Variants in ASXL1 observed in about 807,000 individuals in gnomAD.
The protein encoded by ASXL1 is polycomb group protein ASXL1.
In ASXL1, 65 loss-of-function variants were observed where a neutral mutation model predicts 89.1. That is an observed-to-expected ratio of 0.73 (90% confidence interval 0.60 to 0.90). ASXL1 has a LOEUF of 0.90. Ranked by LOEUF, ASXL1 falls within the 40% of genes least tolerant of loss-of-function variation. The probability of loss-of-function intolerance (pLI) is 0.00; values close to 1 mark genes in which losing one functional copy is unlikely to be tolerated. For synonymous variants in ASXL1, 739 were observed against 746.9 expected (o/e 0.99, Z 0.17); for missense variants, 1,786 against 1,942.9 (o/e 0.92, Z 1.52).
At position 32,371,524 on chromosome 20, in the gene ASXL1, C is replaced by T. The variant is rs138545183; in HGVS notation, c.252+2401C>T. The stretch of plus-strand genomic sequence containing the variant: ...CTGGTCTCGAGCTCCTGGGGTCAAG[C>T]GATCCACTGGCTTTGGCCTCCCAAA... On this transcript the variant is annotated intron_variant, in intron 4 of 12. Coordinates refer to ENST00000375687, the MANE Select transcript of ASXL1 (RefSeq NM_015338.6). 1.9e-4 allele frequency among the ~76,000 whole-genome samples: 29 copies of T among 152,142 alleles called. No homozygotes were observed. The East Asian group carries it at 4.8e-3, about 25-fold the overall frequency.
At chr20:32,365,933 A>G (rs2048196657) in intron 1 of ASXL1, among the ~76,000 whole-genome samples, 2 of 152,288 alleles carry the variant, frequency 1.3e-5, no homozygotes, top group South Asian at 4.1e-4. Context: ...ACCTGAGGTC[A>G]GGAGTTCGAG....
At chr20:32,374,465 T>A (rs902785593) in intron 4 of ASXL1, among the ~76,000 whole-genome samples, 35 of 151,436 alleles carry the variant, frequency 2.3e-4, no homozygotes, top group Non-Finnish European at 3.4e-4. Context: ...TTAAAAAAAA[T>A]TTTTTTTATA....
At position 32,428,187 on chromosome 20, in the gene ASXL1, C is replaced by T; in HGVS notation, c.312C>T (p.Asp104=). 6.2e-7 allele frequency: 1 copy of T among 1,614,082 alleles called. No homozygotes were observed. Among genetic ancestry groups the T allele is most frequent in the Non-Finnish European group, 8.5e-7 (1 of 1,180,012 alleles). Residue 104 remains aspartate (D), a synonymous_variant, in exon 5 of 13, where the codon GAC becomes GAT. Transcript: ENST00000375687. ...PATVEGEEPE[D]TADVESCGSN... is the part of the protein sequence containing the mutation. ...CAGTGGAGGGAGAGGAGCCAGAGGA[C>T]ACGGCTGATGTGGAGAGCTGTGGGT...
At chr20:32,365,368 G>C (rs2048187716) in intron 1 of ASXL1, among the ~76,000 whole-genome samples, 1 of 152,180 alleles carries the variant, frequency 6.6e-6, no homozygotes, top group African/African-American at 2.4e-5. Context: ...CTTTGGTGCT[G>C]AGGTCTTATG....
At chr20:32,419,596 C>A (rs576231648) in intron 4 of ASXL1, among the ~76,000 whole-genome samples, 1 of 151,584 alleles carries the variant, frequency 6.6e-6, no homozygotes, top group Non-Finnish European at 1.5e-5. Context: ...GGGTAACTTA[C>A]GTTCGTTTTT....
intron 1 of ASXL1, among the ~76,000 whole-genome samples, chr20:32,363,170 CT>C (rs2048149830): frequency 6.6e-6 from 1 of 152,030 alleles, no homozygotes; most frequent in African/African-American, 2.4e-5. Flanking sequence ...TGTAACTTCC[CT>C]TTAGAGATTC....
chr20:32,406,319 G>A (rs892062843), intron 4 of ASXL1, among the ~76,000 whole-genome samples: 1 of 151,772 alleles, frequency 6.6e-6, no homozygotes, highest in Non-Finnish European at 1.5e-5. Context: ...AGGCTGAGGC[G>A]GGTGGATTGC....
At chr20:32,361,527 A>G (rs1368080654) in intron 1 of ASXL1, among the ~76,000 whole-genome samples, 2 of 148,302 alleles carry the variant, frequency 1.3e-5, no homozygotes, top group Non-Finnish European at 3.0e-5. Flanking sequence ...AATCCCAGCT[A>G]CTGAGGGGGC....
At chr20:32,423,960 T>G (rs1432958048) in intron 4 of ASXL1, among the ~76,000 whole-genome samples, 1 of 152,190 alleles carries the variant, frequency 6.6e-6, no homozygotes, top group Non-Finnish European at 1.5e-5. Context: ...TTGTTTTCCT[T>G]GTCTTTTTAC....
intron 4 of ASXL1, among the ~76,000 whole-genome samples, chr20:32,370,713 A>T (rs1046855392): frequency 1.3e-5 from 2 of 152,168 alleles, no homozygotes; most frequent in African/African-American, 2.4e-5. Flanking sequence ...TGGTCTTTAT[A>T]TATAAATAAA....
intron 2 of ASXL1, 124 bp downstream of exon 2, chr20:32,366,590 G>A: frequency 6.4e-7 from 1 of 1,559,444 alleles, no homozygotes; most frequent in African/African-American, 1.4e-5. Flanking sequence ...TAGTGAGATG[G>A]AACTATCCAT....
At chr20:32,411,990 A>G (rs2049056540) in intron 4 of ASXL1, among the ~76,000 whole-genome samples, 1 of 151,948 alleles carries the variant, frequency 6.6e-6, no homozygotes, top group Non-Finnish European at 1.5e-5. Context: ...TTCTTTACTT[A>G]CCTGCTTTCT....
intron 4 of ASXL1, among the ~76,000 whole-genome samples, chr20:32,386,931 T>G (rs2122965199): frequency 6.6e-6 from 1 of 152,220 alleles, no homozygotes; most frequent in East Asian, 1.9e-4. Flanking sequence ...GGAAATGATT[T>G]TACAGTTTTT....
In ASXL1 at chr20:32,435,403, T is replaced by C; in HGVS notation, c.2691T>C (p.His897=). ...TKALVSNSSL[H]WIPIPSNDEV... is the part of the protein sequence containing the mutation. ...CTCTCGTTTCTAACAGTTCTTTGCA[T>C]TGGATACCCATCCCATCGAATGATG... The change falls in exon 13 of 13, where the codon CAT becomes CAC. Residue 897 remains histidine, a synonymous_variant. Transcript: ENST00000375687. 2 of 1,614,150 alleles carry C rather than the reference T, an allele frequency of 1.2e-6. No individual in the cohort carries two copies. Among genetic ancestry groups the C allele is most frequent in the Non-Finnish European group, 1.7e-6 (2 of 1,180,034 alleles).
chr20:32,422,395 C>T (rs1021029996), intron 4 of ASXL1, among the ~76,000 whole-genome samples: 13 of 148,012 alleles, frequency 8.8e-5, no homozygotes, highest in Non-Finnish European at 1.5e-4. Flanking sequence ...CATTCTCCTA[C>T]GTAAGCACAA....
Position 32,366,871 on chromosome 20 carries a change from A to T in ASXL1, c.140+405A>T, listed in dbSNP as rs551971365. Among the ~76,000 whole-genome samples, 11 of 152,282 alleles carry T rather than the reference A, an allele frequency of 7.2e-5. 1 individual carries two copies. In the East Asian group the frequency reaches 1.9e-3, roughly 27 times the overall value. On this transcript the variant is annotated intron_variant, in intron 2 of 12. Coordinates refer to ENST00000375687, the MANE Select transcript of ASXL1 (RefSeq NM_015338.6). Reference sequence around the variant, plus strand: ...TTTAGAATAAAAGAACAGTGGTCTCATCAACATAAAAAACCACTGACTTTT... The same window carrying T: ...TTTAGAATAAAAGAACAGTGGTCTCTTCAACATAAAAAACCACTGACTTTT...
chr20:32,367,077 TA>T (rs11478048), intron 2 of ASXL1, among the ~76,000 whole-genome samples: 85,000 of 134,914 alleles, frequency 0.63, 26,044 homozygotes, highest in Middle Eastern at 0.73. Flanking sequence ...ACTTCAAACT[TA>T]AAAAAAAAAA....
At position 32,429,360 on chromosome 20, in the gene ASXL1, C is replaced by T; in HGVS notation, c.494C>T (p.Thr165Ile). ...SSQANKQKKK[T>I]GVMLPRVVLT... ...CAGGCGAACAAACAAAAGAAAAAGA[C>T]TGGGGTGATGCTGCCTCGAGTTGTC... The change falls in exon 7 of 13, where the codon ACT becomes ATT. Residue 165 changes from threonine (T) to isoleucine (I), a missense_variant. By Grantham distance (89) the Thr-to-Ile change is moderately conservative. This residue lies in a region of ASXL1 where 332 missense variants were observed against 449.7 expected (regional missense o/e 0.74). Transcript: ENST00000375687. This position sits in a 1 kb window ranked among gnomAD's most constrained non-coding sequence, Gnocchi z 4.9. The T allele has an allele frequency of 6.2e-7, 1 of 1,614,136 alleles. No individual in the cohort carries two copies. Among genetic ancestry groups the T allele is most frequent in the Non-Finnish European group, 8.5e-7 (1 of 1,180,014 alleles).
At chr20:32,383,307 CT>C (rs543531381) in intron 4 of ASXL1, among the ~76,000 whole-genome samples, 69 of 145,030 alleles carry the variant, frequency 4.8e-4, no homozygotes, top group Non-Finnish European at 4.1e-4. Context: ...TGTTGGTTTT[CT>C]TTTTTTTTTT....
Sources: allele counts gnomAD v4.1 joint callset (sites outside exome capture counted in the v4.1 genomes callset), GRCh38; gene constraint gnomAD v4.1.1; regional missense constraint gnomAD v4.1.1; non-coding constraint Gnocchi (gnomAD v3.1); transcripts MANE v1.5; gene names NCBI Gene and HGNC (gene_info 2026-07-23, HGNC 2026-07-21).